The following GPC5 variants were observed in gnomAD, a reference collection of about 807,000 sequenced individuals.
The protein encoded by GPC5 is glypican 5.
Under a neutral mutation model 53.9 loss-of-function variants are expected in GPC5, and 47 were observed. The ratio of observed to expected loss-of-function variants is 0.87; its 90% CI spans 0.69 to 1.11. GPC5 has a LOEUF of 1.11. Among genes scored for constraint, GPC5 ranks in the 50% most tolerant of loss-of-function variants. The probability of loss-of-function intolerance (pLI) is 0.00; values close to 1 mark genes in which losing one functional copy is unlikely to be tolerated. For synonymous variants in GPC5, 286 were observed against 263.3 expected, an observed-to-expected ratio of 1.09 and a Z score of -0.84; for missense variants, 748 against 713.1, an observed-to-expected ratio of 1.05 and a Z score of -0.56.
chr13:92,794,765 G>A lies in GPC5; in HGVS notation c.1562-71517G>A, dbSNP rs908979076. Among the ~76,000 whole-genome samples the A allele has an allele frequency of 4.6e-5, 7 of 152,064 alleles. No homozygotes were observed. The South Asian group carries it at 6.2e-4, about 13-fold the overall frequency. Reference sequence around the variant, plus strand: ...ACAGATAAACAGAGAACCAAATCATGAGTGAACTCCCATTCACCATTGCTA... The same window carrying A: ...ACAGATAAACAGAGAACCAAATCATAAGTGAACTCCCATTCACCATTGCTA... On this transcript the variant is annotated intron_variant, in intron 7 of 7. Coordinates refer to ENST00000377067, the MANE Select transcript of GPC5 (RefSeq NM_004466.6).
intron 3 of GPC5, among the ~76,000 whole-genome samples, chr13:91,715,697 CAT>C (rs1489325892): frequency 2.7e-5 from 4 of 150,636 alleles, no homozygotes; most frequent in Admixed American, 6.6e-5. Context: ...AAATACCACA[CAT>C]GATACCTTAT....
intron 7 of GPC5, among the ~76,000 whole-genome samples, chr13:92,839,339 G>A (rs1878340550): frequency 6.6e-6 from 1 of 152,088 alleles, no homozygotes; most frequent in African/African-American, 2.4e-5. Context: ...AAATGTACAG[G>A]TTTGTTACAT....
chr13:92,145,062 T>A (rs1410791324), intron 7 of GPC5, 73 bp downstream of exon 7: 1 of 1,190,104 alleles, frequency 8.4e-7, no homozygotes, highest in Non-Finnish European at 1.1e-6. Flanking sequence ...TTGTTATGGA[T>A]GTAAAGAAAT....
chr13:91,448,079 A>G (rs1880926311), intron 1 of GPC5, among the ~76,000 whole-genome samples: 1 of 152,214 alleles, frequency 6.6e-6, no homozygotes. Context: ...CATTTCATAT[A>G]TTAATAACTT....
intron 2 of GPC5, among the ~76,000 whole-genome samples, chr13:91,612,871 C>G (rs2033595391): frequency 6.6e-6 from 1 of 152,080 alleles, no homozygotes; most frequent in South Asian, 2.1e-4. Flanking sequence ...ACCCTACCAT[C>G]ACAGAACATC....
chr13:92,377,118 C>T (rs2043701702), intron 7 of GPC5, among the ~76,000 whole-genome samples: 1 of 152,086 alleles, frequency 6.6e-6, no homozygotes, highest in Non-Finnish European at 1.5e-5. Flanking sequence ...TCAATGCCAC[C>T]ATGAAGTCTT....
intron 7 of GPC5, among the ~76,000 whole-genome samples, chr13:92,462,561 C>T (rs1594222547): frequency 6.6e-6 from 1 of 152,056 alleles, no homozygotes. Flanking sequence ...TGAAAATTCA[C>T]GTACAGATAC....
Position 92,791,387 on chromosome 13 carries a change from G to A in GPC5, c.1562-74895G>A, listed in dbSNP as rs550572435. Among the ~76,000 whole-genome samples, 7 of 149,046 alleles carry A rather than the reference G, an allele frequency of 4.7e-5. No homozygotes were observed. In the East Asian group the frequency reaches 6.6e-4, roughly 14 times the overall value. On this transcript the variant is annotated intron_variant, in intron 7 of 7. Coordinates refer to ENST00000377067, the MANE Select transcript of GPC5 (RefSeq NM_004466.6). ...ATATAAATGTACACATTCATTATAC[G>A]TGTGTGTAACTTTGTGAGTGTATGT...
chr13:91,802,433 G>A (rs1321364618), intron 5 of GPC5, among the ~76,000 whole-genome samples: 2 of 152,194 alleles, frequency 1.3e-5, no homozygotes, highest in African/African-American at 4.8e-5. Flanking sequence ...AGGTACTGCA[G>A]ACCCAAAGTG....
intron 5 of GPC5, among the ~76,000 whole-genome samples, chr13:91,859,858 A>G (rs1330288551): frequency 1.3e-5 from 2 of 152,040 alleles, no homozygotes; most frequent in African/African-American, 4.8e-5. Flanking sequence ...TTAAAGTAAT[A>G]AATTACCCTC....
chr13:92,456,269 G>A (rs927059553), intron 7 of GPC5, among the ~76,000 whole-genome samples: 3 of 152,132 alleles, frequency 2.0e-5, no homozygotes, highest in African/African-American at 7.2e-5. Context: ...TTAAGTTCTC[G>A]AAGGATGCTA....
intron 7 of GPC5, among the ~76,000 whole-genome samples, chr13:92,609,493 C>T (rs966864226): frequency 1.3e-5 from 2 of 152,026 alleles, no homozygotes; most frequent in Admixed American, 1.3e-4. Context: ...CTTTATCTAA[C>T]CTTCATTTAC....
intron 1 of GPC5, among the ~76,000 whole-genome samples, chr13:91,439,039 G>A (rs989094541): frequency 1.3e-5 from 2 of 152,320 alleles, no homozygotes; most frequent in South Asian, 2.1e-4. Context: ...TGTCGCTCAC[G>A]CTGGGAGCTG....
chr13:91,858,490 T>C (rs2038991188), intron 5 of GPC5, among the ~76,000 whole-genome samples: 1 of 152,012 alleles, frequency 6.6e-6, no homozygotes, highest in Admixed American at 6.6e-5. Context: ...TATGTTTAAC[T>C]ATCCTTGCAT....
intron 5 of GPC5, among the ~76,000 whole-genome samples, chr13:91,835,141 A>T (rs1041058194): frequency 1.1e-4 from 16 of 152,146 alleles, no homozygotes; most frequent in Non-Finnish European, 1.8e-4. Flanking sequence ...ATGAAATCTC[A>T]TCATCACTGG....
At chr13:92,842,397 G>T (rs539798238) in intron 7 of GPC5, among the ~76,000 whole-genome samples, 2 of 152,152 alleles carry the variant, frequency 1.3e-5, no homozygotes, top group South Asian at 4.1e-4. Context: ...CATATTAGTT[G>T]GGTTTGTGTC....
intron 7 of GPC5, among the ~76,000 whole-genome samples, chr13:92,279,385 C>T (rs2042897512): frequency 6.6e-6 from 1 of 151,992 alleles, no homozygotes; most frequent in African/African-American, 2.4e-5. Context: ...TGAAAAATTA[C>T]TGGATTTGTT....
intron 7 of GPC5, among the ~76,000 whole-genome samples, chr13:92,439,756 C>T (rs933118303): frequency 6.6e-6 from 1 of 151,976 alleles, no homozygotes; most frequent in Non-Finnish European, 1.5e-5. Context: ...TCAAAATTAC[C>T]AGCTATGGCC....
intron 1 of GPC5, among the ~76,000 whole-genome samples, chr13:91,440,044 A>C (rs989278993): frequency 2.6e-5 from 4 of 152,008 alleles, no homozygotes; most frequent in Non-Finnish European, 4.4e-5. Context: ...TATTAATTTG[A>C]CTATAGTGTT....
Sources: gnomAD v4.1 joint callset for allele counts (sites outside exome capture counted in the v4.1 genomes callset) on GRCh38, gnomAD v4.1.1 for gene constraint, MANE v1.5 for transcripts, NCBI Gene and HGNC (gene_info 2026-07-23, HGNC 2026-07-21) for gene names.